The following USH2A variants were observed in gnomAD, a reference collection of about 807,000 sequenced individuals.
USH2A encodes usherin.
A neutral mutation model predicts 538.9 loss-of-function variants in USH2A; 443 were observed. The ratio of observed to expected loss-of-function variants is 0.82; its 90% CI spans 0.76 to 0.89. The LOEUF (loss-of-function observed/expected upper bound fraction) is 0.89, where lower values mean the gene tolerates loss of function less well. Ranked by LOEUF, USH2A falls within the 40% of genes least tolerant of loss-of-function variation. USH2A has a pLI of 0.00. For synonymous variants in USH2A, 2,413 were observed against 2,273.5 expected (o/e 1.06, Z -1.75); for missense variants, 6,633 against 6,324.8 (o/e 1.05, Z -1.65).
chr1:216,290,014 A>G (rs1458687555), intron 10 of USH2A, among the ~76,000 whole-genome samples: 4 of 152,134 alleles, frequency 2.6e-5, no homozygotes, highest in African/African-American at 7.2e-5. Context: ...ATAGCCTGAC[A>G]TATTAGATAT....
chr1:215,883,921 A>C (rs1664984232), intron 41 of USH2A, among the ~76,000 whole-genome samples: 2 of 152,176 alleles, frequency 1.3e-5, no homozygotes, highest in Admixed American at 6.6e-5. Context: ...TTCATCCTTG[A>C]AGCCATCATT....
At chr1:216,284,249 T>C (rs899538797) in intron 11 of USH2A, among the ~76,000 whole-genome samples, 1 of 152,194 alleles carries the variant, frequency 6.6e-6, no homozygotes, top group Non-Finnish European at 1.5e-5. Flanking sequence ...TCTTGAATTG[T>C]AGTTCCCATA....
chr1:215,771,351 C>T (rs1028893929), intron 55 of USH2A, among the ~76,000 whole-genome samples: 2 of 150,976 alleles, frequency 1.3e-5, no homozygotes, highest in East Asian at 3.9e-4. Context: ...GAGGCCGAGG[C>T]GGGCGGATCA....
chr1:216,143,937 C>T (rs2033646432), intron 21 of USH2A, among the ~76,000 whole-genome samples: 1 of 152,054 alleles, frequency 6.6e-6, no homozygotes, highest in Admixed American at 6.5e-5. Flanking sequence ...ATCCAGACTG[C>T]CGTTTTGACT....
chr1:216,392,731 T>A (rs1445745064), intron 3 of USH2A, among the ~76,000 whole-genome samples: 1 of 152,116 alleles, frequency 6.6e-6, no homozygotes, highest in Non-Finnish European at 1.5e-5. Flanking sequence ...ACATATATAA[T>A]ATGCACATAA....
chr1:216,309,833 G>A (rs1273083339), intron 9 of USH2A, among the ~76,000 whole-genome samples: 1 of 152,074 alleles, frequency 6.6e-6, no homozygotes, highest in Non-Finnish European at 1.5e-5. Context: ...GCCTGTTGAT[G>A]TGAGGAATTA....
At chr1:216,338,198 G>A (rs1002148413) in intron 4 of USH2A, among the ~76,000 whole-genome samples, 5 of 151,558 alleles carry the variant, frequency 3.3e-5, no homozygotes, top group African/African-American at 1.2e-4. Flanking sequence ...AATAGCTGAA[G>A]AAGGCTGGTA....
chr1:215,669,762 T>C (rs968984068), intron 64 of USH2A, among the ~76,000 whole-genome samples: 3 of 152,218 alleles, frequency 2.0e-5, no homozygotes, highest in African/African-American at 7.2e-5. Context: ...AATTTATTTA[T>C]ATTTTTAAAT....
At chr1:216,407,146 G>T (rs2039409440) in intron 3 of USH2A, among the ~76,000 whole-genome samples, 1 of 151,662 alleles carries the variant, frequency 6.6e-6, no homozygotes, top group South Asian at 2.1e-4. Flanking sequence ...TCCCACCCCA[G>T]GTTGATAACA....
intron 12 of USH2A, among the ~76,000 whole-genome samples, chr1:216,250,214 C>A (rs1225863542): frequency 6.6e-6 from 1 of 152,002 alleles, no homozygotes; most frequent in African/African-American, 2.4e-5. Context: ...TTGCTATAAT[C>A]AAATCTAATT....
intron 24 of USH2A, among the ~76,000 whole-genome samples, chr1:216,085,444 T>C (rs2032098350): frequency 6.6e-6 from 1 of 150,904 alleles, no homozygotes; most frequent in South Asian, 2.1e-4. Context: ...ATGAGAGAAT[T>C]AGAGAAAAAG....
intron 32 of USH2A, among the ~76,000 whole-genome samples, chr1:216,005,571 T>C (rs1400082161): frequency 1.3e-5 from 2 of 151,180 alleles, no homozygotes; most frequent in Admixed American, 6.6e-5. Context: ...CAGGCTGCCA[T>C]TTTTTTTTCT....
chr1:216,109,270 T>G (rs1401996582), intron 21 of USH2A, among the ~76,000 whole-genome samples: 2 of 152,168 alleles, frequency 1.3e-5, no homozygotes, highest in Non-Finnish European at 2.9e-5. Context: ...ATTTAGACTT[T>G]TAGATCTAAT....
At chr1:215,733,949 A>C (rs1660078886) in intron 60 of USH2A, among the ~76,000 whole-genome samples, 2 of 152,172 alleles carry the variant, frequency 1.3e-5, no homozygotes, top group South Asian at 4.1e-4. Context: ...CCTAGAGAGA[A>C]GTGGCCCCCT....
In USH2A at chr1:216,213,145, T is replaced by C. The variant is rs147153492; in HGVS notation, c.3157+4242A>G. Among the ~76,000 whole-genome samples, 1,023 of 152,288 alleles carry C rather than the reference T, an allele frequency of 6.7e-3. 14 individuals are homozygous for C. Among genetic ancestry groups the C allele is most frequent in the Non-Finnish European group, 8.1e-3 (548 of 67,974 alleles). On this transcript the variant is annotated intron_variant, in intron 15 of 71. Transcript: ENST00000307340. ...TGCTTTATTAATTTCTTTTTCAAATTATTCATTGCTGGCTTATAGAAACAC... is the reference window on the plus strand; with the variant it reads ...TGCTTTATTAATTTCTTTTTCAAATCATTCATTGCTGGCTTATAGAAACAC...
At chr1:215,899,460 T>G (rs536312395) in intron 40 of USH2A, among the ~76,000 whole-genome samples, 1 of 152,350 alleles carries the variant, frequency 6.6e-6, no homozygotes, top group East Asian at 1.9e-4. Context: ...CCAAATGTTA[T>G]AGTCATGTAT....
chr1:215,724,770 C>A (rs1003693157), intron 61 of USH2A, among the ~76,000 whole-genome samples: 1 of 152,020 alleles, frequency 6.6e-6, no homozygotes, highest in African/African-American at 2.4e-5. Context: ...AGGGCCAAGT[C>A]TCACAGTAGA....
At chr1:216,050,668 G>A (rs1571917719) in intron 30 of USH2A, among the ~76,000 whole-genome samples, 1 of 141,706 alleles carries the variant, frequency 7.1e-6, no homozygotes. Context: ...GCTGTGGTGC[G>A]ATCTCGGCTC....
chr1:216,204,436 AAAT>A (rs2035067617), intron 16 of USH2A: 1 of 32,286 alleles, frequency 3.1e-5, no homozygotes, highest in Non-Finnish European at 1.0e-4. Context: ...TTATAATAAC[AAAT>A]AATTTGAAAG....
Sources: gnomAD v4.1 joint callset for allele counts (sites outside exome capture counted in the v4.1 genomes callset) on GRCh38, gnomAD v4.1.1 for gene constraint, MANE v1.5 for transcripts, NCBI Gene and HGNC (gene_info 2026-07-23, HGNC 2026-07-21) for gene names.